Variants in CPPED1 observed in about 807,000 individuals in gnomAD.
CPPED1 encodes calcineurin like phosphoesterase domain containing 1.
In CPPED1, 28 loss-of-function variants were observed where a neutral mutation model predicts 28.0. The observed-to-expected ratio is 1.00, with a 90% confidence interval of 0.74 to 1.37. The LOEUF is 1.37. Among genes scored for constraint, CPPED1 ranks in the 40% most tolerant of loss-of-function variants. The pLI, the probability that CPPED1 is intolerant of heterozygous loss-of-function variation, is 0.00. For synonymous variants in CPPED1, 198 were observed against 180.2 expected (o/e 1.10, Z -0.79); for missense variants, 504 against 416.5 (o/e 1.21, Z -1.83).
intron 1 of CPPED1, among the ~76,000 whole-genome samples, chr16:12,797,727 A>T (rs1381499269): frequency 6.6e-6 from 1 of 152,114 alleles, no homozygotes; most frequent in Non-Finnish European, 1.5e-5. Flanking sequence ...ATGGCAAAAA[A>T]TTCCGAACTT....
At chr16:12,792,111 C>G (rs1045772887) in intron 1 of CPPED1, among the ~76,000 whole-genome samples, 2 of 152,112 alleles carry the variant, frequency 1.3e-5, no homozygotes, top group Admixed American at 6.5e-5. Flanking sequence ...GCCACCACAC[C>G]CAGCTAATGT....
intron 2 of CPPED1, among the ~76,000 whole-genome samples, chr16:12,774,301 C>G (rs2080485477): frequency 6.6e-6 from 1 of 152,066 alleles, no homozygotes; most frequent in South Asian, 2.1e-4. Flanking sequence ...AACCCCATCT[C>G]TACTAAAATT....
Position 12,705,023 on chromosome 16 carries a change from C to T in CPPED1, c.316G>A (p.Glu106Lys), listed in dbSNP as rs1175173911. The part of the protein sequence containing the change: ...PGKPWRTEQT[E>K]DLKRVLRAVD... ...GCCCTAAGCACTCGCTTCAGGTCCT[C>T]CGTCTGCTCCGTCCGCCACGGCTTC... Residue 106 changes from glutamate (E) to lysine (K), a missense_variant, in exon 3 of 4, where the codon GAG becomes AAG. Transcript: ENST00000381774. 6.8e-6 allele frequency: 11 copies of T among 1,611,842 alleles called. No homozygotes were observed. The Admixed American group carries it at 1.8e-4, about 27-fold the overall frequency.
chr16:12,686,389 T>C (rs1159806142), intron 3 of CPPED1, among the ~76,000 whole-genome samples: 2 of 152,152 alleles, frequency 1.3e-5, no homozygotes, highest in Admixed American at 1.3e-4. Flanking sequence ...GAACAAATAC[T>C]ATGTAAGTTG....
In CPPED1 at chr16:12,781,280, A is replaced by C. The variant is rs189219899; in HGVS notation, c.194T>G (p.Ile65Ser). Reference protein sequence around the residue: ...DNGGDEWEQEIRLTEQAVQAI... With the variant: ...DNGGDEWEQESRLTEQAVQAI... ...CTGGACGGCTTGCTCAGTTAGACGG[A>C]TCTCCTGTTCCCATTCGTCACCGCC... The change falls in exon 2 of 4, where the codon ATC (isoleucine) becomes AGC (serine). Residue 65 changes from isoleucine (I) to serine (S), a missense_variant. Ile to Ser is a moderately radical substitution (Grantham distance 142). Transcript: ENST00000381774. 1 of 1,614,072 alleles carries C rather than the reference A, an allele frequency of 6.2e-7. No individual in the cohort carries two copies. The highest frequency in any genetic ancestry group is 2.2e-5 in the East Asian group (1 of 44,862).
intron 3 of CPPED1, 24 bp from the exon 4 acceptor site, chr16:12,665,139 T>C (rs2079818714): frequency 1.3e-6 from 2 of 1,583,464 alleles, no homozygotes; most frequent in Non-Finnish European, 1.7e-6. Context: ...AAAAAGTCAT[T>C]AGGGGGCCGA....
intron 1 of CPPED1, among the ~76,000 whole-genome samples, chr16:12,784,225 T>A (rs1054861857): frequency 6.6e-6 from 1 of 152,168 alleles, no homozygotes; most frequent in Admixed American, 6.6e-5. Context: ...GAGGGAAACC[T>A]CTGGCCAAAA....
intron 2 of CPPED1, among the ~76,000 whole-genome samples, chr16:12,721,686 G>A (rs1414379802): frequency 6.6e-6 from 1 of 151,178 alleles, no homozygotes; most frequent in Admixed American, 6.6e-5. Context: ...CCTGGGAGAC[G>A]AAGGTTGCAG....
chr16:12,739,125 T>C (rs562735048), intron 2 of CPPED1, among the ~76,000 whole-genome samples: 1 of 152,206 alleles, frequency 6.6e-6, no homozygotes, highest in South Asian at 2.1e-4. Flanking sequence ...AATCCCAAAA[T>C]AAAAATAGTA....
intron 2 of CPPED1, among the ~76,000 whole-genome samples, chr16:12,743,165 T>G (rs1488791670): frequency 6.6e-6 from 1 of 152,208 alleles, no homozygotes; most frequent in East Asian, 1.9e-4. Context: ...GCACGCCAAG[T>G]GCTAGCCTTG....
chr16:12,765,396 C>CTTG lies in CPPED1; in HGVS notation c.289+15786_289+15788dup, dbSNP rs1240922523. Among the ~76,000 whole-genome samples the CTTG allele has an allele frequency of 5.3e-5, 8 of 152,314 alleles. No homozygotes were observed. The South Asian group carries it at 1.2e-3, about 24-fold the overall frequency. ...TGGCTGCTAGATATTTATAGCAACT[C>CTTG]TTGTTGAATCTGTACTGTTAACCTG... is the stretch of plus-strand genomic sequence containing the variant. On this transcript the variant is annotated intron_variant, in intron 2 of 3. Coordinates refer to ENST00000381774, the MANE Select transcript of CPPED1 (RefSeq NM_018340.3).
intron 2 of CPPED1, among the ~76,000 whole-genome samples, chr16:12,749,880 G>A (rs1320637383): frequency 3.3e-5 from 5 of 152,152 alleles, no homozygotes; most frequent in South Asian, 2.1e-4. Context: ...ATGAGGCACC[G>A]CGCCTGGCAG....
At chr16:12,788,477 TCCTA>T (rs1463684823) in intron 1 of CPPED1, among the ~76,000 whole-genome samples, 1 of 152,194 alleles carries the variant, frequency 6.6e-6, no homozygotes, top group Non-Finnish European at 1.5e-5. Flanking sequence ...GCCCGCCTTT[TCCTA>T]CCTAAGTACT....
intron 2 of CPPED1, among the ~76,000 whole-genome samples, chr16:12,766,660 T>C (rs935059347): frequency 1.3e-5 from 2 of 152,040 alleles, no homozygotes; most frequent in African/African-American, 2.4e-5. Context: ...TCCCAGCTAC[T>C]TGGGAGACTG....
chr16:12,728,158 T>C (rs1166213977), intron 2 of CPPED1, among the ~76,000 whole-genome samples: 1 of 152,204 alleles, frequency 6.6e-6, no homozygotes, highest in East Asian at 1.9e-4. Context: ...AAATTGCTCT[T>C]ATCAGCAAGT....
At chr16:12,678,926 T>G (rs946580149) in intron 3 of CPPED1, among the ~76,000 whole-genome samples, 2 of 152,236 alleles carry the variant, frequency 1.3e-5, no homozygotes, top group African/African-American at 4.8e-5. Flanking sequence ...TAAAAAGTAT[T>G]GGTGAAAATA....
rs535022699 is a variant in CPPED1, at chr16:12,682,901, G to C, written c.716-17786C>G. Among the ~76,000 whole-genome samples, 1 of 152,200 alleles carries C rather than the reference G, an allele frequency of 6.6e-6. No individual in the cohort carries two copies. Among genetic ancestry groups the C allele is most frequent in the African/African-American group, 2.4e-5 (1 of 41,438 alleles). ...TCAATCCAGAATGGACAATTTTCTA[G>C]ATTTCCATGCTCTATCTTAAACACA... On this transcript the variant is annotated intron_variant, in intron 3 of 3. Coordinates refer to ENST00000381774, the MANE Select transcript of CPPED1 (RefSeq NM_018340.3). The surrounding 1 kb of genome is among the most constrained non-coding windows in gnomAD (Gnocchi z 6.1).
Position 12,761,907 on chromosome 16 carries a change from C to A in CPPED1, c.289+19278G>T, listed in dbSNP as rs538305926. ...GTGCCTGTAATTCCAGCTACTCACTCGGGAGGCTGAGGCATGAGAATCACT... is the reference window on the plus strand; with the variant it reads ...GTGCCTGTAATTCCAGCTACTCACTAGGGAGGCTGAGGCATGAGAATCACT... On this transcript the variant is annotated intron_variant, in intron 2 of 3. Transcript: ENST00000381774. 2.3e-4 allele frequency among the ~76,000 whole-genome samples: 35 copies of A among 151,962 alleles called. No homozygotes were observed. The South Asian group carries it at 7.3e-3, about 32-fold the overall frequency.
intron 2 of CPPED1, among the ~76,000 whole-genome samples, chr16:12,727,951 A>C (rs1004268579): frequency 2.1e-4 from 32 of 152,244 alleles, no homozygotes; most frequent in African/African-American, 6.8e-4. Context: ...GTTTTGTCAT[A>C]GAGATCACGT....
Sources: gnomAD v4.1 joint callset for allele counts (sites outside exome capture counted in the v4.1 genomes callset) on GRCh38, gnomAD v4.1.1 for gene constraint, Gnocchi (gnomAD v3.1) non-coding constraint, MANE v1.5 for transcripts, NCBI Gene and HGNC (gene_info 2026-07-23, HGNC 2026-07-21) for gene names.